The following KHDRBS2 variants were observed in gnomAD, a reference collection of about 807,000 sequenced individuals.
KHDRBS2 encodes KH RNA binding domain containing, signal transduction associated 2.
A neutral mutation model predicts 44.3 loss-of-function variants in KHDRBS2; 26 were observed. That is an observed-to-expected ratio of 0.59 (90% CI 0.43 to 0.81). KHDRBS2 has a LOEUF of 0.81. KHDRBS2 is among the 40% of genes least tolerant of loss of function. The pLI is 0.00. For synonymous variants in KHDRBS2, 194 were observed against 151.1 expected, an observed-to-expected ratio of 1.28 and a Z score of -2.08; for missense variants, 476 against 433.1, an observed-to-expected ratio of 1.10 and a Z score of -0.88.
chr6:61,882,001 G>A (rs1800274559), intron 6 of KHDRBS2, among the ~76,000 whole-genome samples: 1 of 152,026 alleles, frequency 6.6e-6, no homozygotes, highest in South Asian at 2.1e-4. Context: ...AAGGGCATCA[G>A]CTTTTATTTT....
chr6:61,840,298 T>C (rs571440652), intron 6 of KHDRBS2, among the ~76,000 whole-genome samples: 19 of 152,196 alleles, frequency 1.2e-4, no homozygotes, highest in South Asian at 6.2e-4. Context: ...AAGCAGGTAA[T>C]ATAAAAATGA....
chr6:61,778,976 C>G (rs1782518606), intron 6 of KHDRBS2, among the ~76,000 whole-genome samples: 1 of 152,170 alleles, frequency 6.6e-6, no homozygotes, highest in Non-Finnish European at 1.5e-5. Flanking sequence ...CATTTCCACA[C>G]TGACGTTTCC....
chr6:62,031,898 C>A (rs1454305017), intron 3 of KHDRBS2, among the ~76,000 whole-genome samples: 1 of 151,904 alleles, frequency 6.6e-6, no homozygotes, highest in East Asian at 1.9e-4. Context: ...TAGGCAGTAG[C>A]CAAAAAGTGG....
chr6:61,767,850 G>C (rs773950393), intron 6 of KHDRBS2, among the ~76,000 whole-genome samples: 24 of 152,076 alleles, frequency 1.6e-4, no homozygotes, highest in Admixed American at 3.9e-4. Context: ...TTGAGAAGTT[G>C]TTTTTATTTT....
the KHDRBS2 span, among the ~76,000 whole-genome samples, chr6:61,639,627 A>G: frequency 6.6e-6 from 1 of 151,888 alleles, no homozygotes; most frequent in Non-Finnish European, 1.5e-5. Flanking sequence ...TTGTCATTTT[A>G]TTTGTGCATT....
At chr6:61,616,735 C>T in the KHDRBS2 span, among the ~76,000 whole-genome samples, 1 of 151,966 alleles carries the variant, frequency 6.6e-6, no homozygotes, top group Non-Finnish European at 1.5e-5. Context: ...AAGACTAAGA[C>T]TCAAAGGGGT....
chr6:62,094,815 C>T (rs1249560335), intron 2 of KHDRBS2, among the ~76,000 whole-genome samples: 1 of 151,782 alleles, frequency 6.6e-6, no homozygotes, highest in Admixed American at 6.6e-5. Context: ...ATCGAGGGGT[C>T]TCTCCTTTCT....
intron 2 of KHDRBS2, among the ~76,000 whole-genome samples, chr6:62,072,686 G>A (rs187872948): frequency 9.1e-4 from 138 of 152,276 alleles, no homozygotes; most frequent in African/African-American, 3.2e-3. Flanking sequence ...TCCCAGGGAT[G>A]AAGTCCACTT....
At chr6:61,599,979 G>A in the KHDRBS2 span, among the ~76,000 whole-genome samples, 2 of 152,110 alleles carry the variant, frequency 1.3e-5, no homozygotes, top group African/African-American at 4.8e-5. Flanking sequence ...ATTTCTGGAA[G>A]GAAAAGATTC....
intron 7 of KHDRBS2, among the ~76,000 whole-genome samples, chr6:61,715,064 C>G (rs368159991): frequency 2.4e-4 from 37 of 151,868 alleles, no homozygotes; most frequent in African/African-American, 8.7e-4. Context: ...AACTGTACCC[C>G]ATAAATTTAT....
intron 2 of KHDRBS2, among the ~76,000 whole-genome samples, chr6:62,065,833 A>G (rs1227117770): frequency 1.3e-5 from 2 of 151,788 alleles, no homozygotes; most frequent in African/African-American, 4.8e-5. Flanking sequence ...AGAAACTAGA[A>G]TATGCTTATA....
the KHDRBS2 span, among the ~76,000 whole-genome samples, chr6:61,597,085 A>G: frequency 6.6e-6 from 1 of 152,240 alleles, no homozygotes; most frequent in Non-Finnish European, 1.5e-5. Context: ...TAGTTAAGGC[A>G]TGATAGTCAG....
At chr6:62,225,179 C>T (rs1831552778) in intron 1 of KHDRBS2, among the ~76,000 whole-genome samples, 1 of 152,172 alleles carries the variant, frequency 6.6e-6, no homozygotes, top group Non-Finnish European at 1.5e-5. Context: ...CTCAGCATGT[C>T]AATAGTACTG....
At chr6:61,822,046 C>T (rs1317753586) in intron 6 of KHDRBS2, among the ~76,000 whole-genome samples, 1 of 151,934 alleles carries the variant, frequency 6.6e-6, no homozygotes. Flanking sequence ...AAAATACTCT[C>T]AGAAACAAAA....
At chr6:61,565,998 GGTGTGTGTGTGTGT>G in the KHDRBS2 span, among the ~76,000 whole-genome samples, 1 of 148,864 alleles carries the variant, frequency 6.7e-6, no homozygotes, top group Non-Finnish European at 1.5e-5. Context: ...AAGAAAATGT[GGTGTGTGTGTGTGT>G]GTGTGTGTGT....
intron 6 of KHDRBS2, among the ~76,000 whole-genome samples, chr6:61,875,601 A>G (rs1271943330): frequency 1.3e-5 from 2 of 152,178 alleles, no homozygotes; most frequent in African/African-American, 4.8e-5. Flanking sequence ...AAACCTTGAA[A>G]CAAGGAACTT....
chr6:61,650,607 C>A, the KHDRBS2 span, among the ~76,000 whole-genome samples: 1 of 51,100 alleles, frequency 2.0e-5, no homozygotes, highest in South Asian at 5.7e-4. Flanking sequence ...AAACTTAATG[C>A]CTTTTTTTTT....
At chr6:61,743,799 T>G (rs1013451386) in intron 6 of KHDRBS2, among the ~76,000 whole-genome samples, 18 of 103,260 alleles carry the variant, frequency 1.7e-4, no homozygotes, top group East Asian at 1.5e-3. Flanking sequence ...CCCACAACAG[T>G]CCCCGGTGTG....
At chr6:62,008,870 TG>T (rs1157695014) in intron 3 of KHDRBS2, among the ~76,000 whole-genome samples, 6 of 152,228 alleles carry the variant, frequency 3.9e-5, no homozygotes, top group Non-Finnish European at 8.8e-5. Context: ...CACGTGGAAC[TG>T]TAAGTCCAAT....
Sources: gnomAD v4.1 joint callset for allele counts (sites outside exome capture counted in the v4.1 genomes callset) on GRCh38, gnomAD v4.1.1 for gene constraint, MANE v1.5 for transcripts, NCBI Gene and HGNC (gene_info 2026-07-23, HGNC 2026-07-21) for gene names.